The following PLEKHA8 variants were observed in gnomAD, a reference collection of about 807,000 sequenced individuals.
The protein encoded by PLEKHA8 is pleckstrin homology domain-containing family A member 8.
Under a neutral mutation model 68.2 loss-of-function variants are expected in PLEKHA8, and 36 were observed. That is an observed-to-expected ratio of 0.53 (90% CI 0.40 to 0.70). The LOEUF (loss-of-function observed/expected upper bound fraction) is 0.70. Among genes scored for constraint, PLEKHA8 ranks in the 30% least tolerant of loss-of-function variants. The probability of loss-of-function intolerance (pLI) is 0.00; values close to 1 mark genes in which losing one functional copy is unlikely to be tolerated. For missense variants in PLEKHA8, 505 were observed against 615.4 expected (o/e 0.82, Z 1.90); for synonymous variants, 211 against 216.1 (o/e 0.98, Z 0.20).
chr7:30,051,712 G>A (rs561407166), intron 6 of PLEKHA8, among the ~76,000 whole-genome samples: 10 of 152,178 alleles, frequency 6.6e-5, no homozygotes, highest in African/African-American at 1.9e-4. Context: ...GGTGGCTCAC[G>A]CCTATAATCC....
At chr7:30,089,454 A>G (rs1371203249), downstream of PLEKHA8, among the ~76,000 whole-genome samples, 1 of 152,008 alleles carries the variant, frequency 6.6e-6, no homozygotes, top group Non-Finnish European at 1.5e-5. Flanking sequence ...ATGCTTAAAT[A>G]TTTTCAGTGT....
chr7:30,055,459 G>C, intron 9 of PLEKHA8, 117 bp downstream of exon 9: 1 of 862,652 alleles, frequency 1.2e-6, no homozygotes, highest in South Asian at 1.4e-5. Context: ...TTGGCTATTT[G>C]TTCAAATCAC....
At position 30,078,691 on chromosome 7, in the gene PLEKHA8, G is replaced by C. The variant is rs769619854; in HGVS notation, c.1464G>C (p.Arg488Ser). ...AAGCTTTCAGTATTGGGATGCAGAG[G>C]GACCTCAGCCTTTACCTCCCTGCCA... ...QKEAFSIGMQ[R>S]DLSLYLPAME... is the part of the protein sequence containing the mutation. The change falls in exon 14 of 14, where the codon AGG (arginine) becomes AGC (serine). Residue 488 changes from arginine to serine, a missense_variant. Transcript: ENST00000449726. 5 of 1,613,736 alleles carry C rather than the reference G, an allele frequency of 3.1e-6. No homozygotes were observed. In the African/African-American group the frequency reaches 6.7e-5, roughly 22 times the overall value.
rs573588249 is a variant in PLEKHA8, at chr7:30,084,395, A to G, written c.*5608A>G. On this transcript the variant is annotated 3_prime_UTR_variant, in exon 14 of 14. Transcript: ENST00000449726. ...ATCAGAGTAGAAGGCAAGTTAAACT[A>G]TAAAAGTGTCAAGTGGCTTGTTAAC... 1 of 985,420 alleles carries G rather than the reference A, an allele frequency of 1.0e-6. No individual in the cohort carries two copies. Among genetic ancestry groups the G allele is most frequent in the East Asian group, 1.1e-4 (1 of 8,808 alleles). 61.0% of individuals were successfully genotyped at this position (985,420 alleles called of 1,614,324 possible).
intron 13 of PLEKHA8, among the ~76,000 whole-genome samples, chr7:30,102,702 T>C (rs1341941044): frequency 6.6e-6 from 1 of 152,252 alleles, no homozygotes; most frequent in Admixed American, 6.5e-5. Context: ...ACTCCACTTA[T>C]ATGAAATATC....
chr7:30,074,000 A>G, intron 12 of PLEKHA8, 71 bp from the exon 13 acceptor site: 1 of 1,341,550 alleles, frequency 7.5e-7, no homozygotes, highest in Non-Finnish European at 1.0e-6. Context: ...AAAAAAAAAA[A>G]AGTACATTAT....
chr7:30,108,240 G>A (rs1364659563), intron 13 of PLEKHA8, among the ~76,000 whole-genome samples: 1 of 151,988 alleles, frequency 6.6e-6, no homozygotes, highest in Non-Finnish European at 1.5e-5. Flanking sequence ...GACATTTCTG[G>A]AATCAGTTGC....
chr7:30,062,791 G>A, intron 12 of PLEKHA8, 49 bp downstream of exon 12: 1 of 1,394,970 alleles, frequency 7.2e-7, no homozygotes, highest in Non-Finnish European at 1.0e-6. Context: ...CTGTGGAATG[G>A]AGACCCCTAG....
chr7:30,088,514 C>T (rs1377340236), downstream of PLEKHA8, among the ~76,000 whole-genome samples: 1 of 152,114 alleles, frequency 6.6e-6, no homozygotes, highest in Non-Finnish European at 1.5e-5. Flanking sequence ...GTGAGAACCC[C>T]CAGAGCTGCT....
Position 30,126,325 on chromosome 7 carries a change from G to A in PLEKHA8, c.1363-2941G>A, listed in dbSNP as rs111704846. 8.5e-4 allele frequency among the ~76,000 whole-genome samples: 130 copies of A among 152,300 alleles called. 2 individuals carry two copies. Among genetic ancestry groups the A allele is most frequent in the Middle Eastern group, 3.4e-3 (1 of 294 alleles). On this transcript the variant is annotated intron_variant, in intron 13 of 13. Coordinates refer to the PLEKHA8 transcript ENST00000396257. ...CTCTTGGGTATAGCTTTCTGAGCTGGTATCTCTTAGATAACTCTCAGCTCA... is the reference window on the plus strand; with the variant it reads ...CTCTTGGGTATAGCTTTCTGAGCTGATATCTCTTAGATAACTCTCAGCTCA...
At chr7:30,071,381 C>T (rs1342089330) in intron 12 of PLEKHA8, among the ~76,000 whole-genome samples, 1 of 152,146 alleles carries the variant, frequency 6.6e-6, no homozygotes, top group East Asian at 1.9e-4. Flanking sequence ...GCTCTGTCTG[C>T]CGCACCATCT....
intron 13 of PLEKHA8, among the ~76,000 whole-genome samples, chr7:30,101,447 G>T (rs954601516): frequency 4.6e-5 from 7 of 152,032 alleles, no homozygotes; most frequent in African/African-American, 1.7e-4. Context: ...TTCTGGTGAG[G>T]GCTCTCTTCC....
At chr7:30,085,319 C>G (rs1795141132), downstream of PLEKHA8, among the ~76,000 whole-genome samples, 1 of 152,132 alleles carries the variant, frequency 6.6e-6, no homozygotes, top group African/African-American at 2.4e-5. Flanking sequence ...CTGGAATGGC[C>G]TTGCCCTGGG....
At position 30,028,531 on chromosome 7, in the gene PLEKHA8, T is replaced by A. The variant is rs769826209; in HGVS notation, c.-232T>A. The A allele has an allele frequency of 2.4e-5, 9 of 370,750 alleles. No homozygotes were observed. The highest frequency in any genetic ancestry group is 4.3e-5 in the Non-Finnish European group (9 of 208,674). The allele number at this position is 370,750 out of a possible 1,614,324, so 23.0% of individuals were successfully genotyped here. On this transcript the variant is annotated 5_prime_UTR_variant, in exon 1 of 14. Transcript: ENST00000449726. ...CCTCCTTGTGAACAGCGTGCCGGCT[T>A]CGCCCCACGGGTTCACCGGCTGGCT...
chr7:30,105,899 T>C (rs955174814), intron 13 of PLEKHA8, among the ~76,000 whole-genome samples: 8 of 152,226 alleles, frequency 5.3e-5, no homozygotes, highest in Non-Finnish European at 7.3e-5. Flanking sequence ...TTTTGTTGTG[T>C]TTTAAATTTT....
chr7:30,114,427 C>T (rs982330393), intron 13 of PLEKHA8, among the ~76,000 whole-genome samples: 1 of 152,232 alleles, frequency 6.6e-6, no homozygotes. Context: ...GAGATTTGAA[C>T]CCAGCACTTT....
chr7:30,105,259 C>A (rs1295458803), intron 13 of PLEKHA8, among the ~76,000 whole-genome samples: 1 of 149,388 alleles, frequency 6.7e-6, no homozygotes, highest in African/African-American at 2.5e-5. Flanking sequence ...TCCCTTCAAC[C>A]CAGTAGTTCA....
chr7:30,110,395 GGT>G (rs918829900), intron 13 of PLEKHA8, among the ~76,000 whole-genome samples: 19 of 152,308 alleles, frequency 1.2e-4, no homozygotes, highest in African/African-American at 4.3e-4. Context: ...ATAGGTATAT[GGT>G]GTTGTGTTGA....
At chr7:30,041,746 G>A (rs1285075461) in intron 1 of PLEKHA8, among the ~76,000 whole-genome samples, 2 of 152,116 alleles carry the variant, frequency 1.3e-5, no homozygotes, top group Non-Finnish European at 2.9e-5. Flanking sequence ...GGGGTTGAGA[G>A]CTGCTCTTCA....
Sources: gnomAD v4.1 joint callset for allele counts (sites outside exome capture counted in the v4.1 genomes callset) on GRCh38, gnomAD v4.1.1 for gene constraint, MANE v1.5 for transcripts, NCBI Gene and HGNC (gene_info 2026-07-23, HGNC 2026-07-21) for gene names.